H2AC25: variants seen among roughly 807,000 people sequenced by gnomAD.
The protein encoded by H2AC25 is histone H2A type 3.
At chr1:228,457,779 G>A in the H2AC25 span, 2 of 1,609,038 alleles carry the variant, frequency 1.2e-6, no homozygotes, top group South Asian at 1.1e-5. Context: ...ACTTAGCCTT[G>A]GCGCGCGCCT....
the H2AC25 span, chr1:228,457,842 C>G: frequency 2.7e-5 from 43 of 1,579,614 alleles, no homozygotes; most frequent in Admixed American, 2.2e-4. Context: ...AAAAAGACAA[C>G]GGCAACCGAA....
the H2AC25 span, chr1:228,457,731 G>C: frequency 6.2e-7 from 1 of 1,612,620 alleles, no homozygotes; most frequent in Non-Finnish European, 8.5e-7. Context: ...GGTGCACGCG[G>C]CCCACGGGGA....
At chr1:228,457,750 C>A in the H2AC25 span, 1 of 1,611,558 alleles carries the variant, frequency 6.2e-7, no homozygotes, top group South Asian at 1.1e-5. Context: ...GAACTGCAGC[C>A]CCGCGCGCGA....
At chr1:228,457,409 GGGGCGGC>G in the H2AC25 span, 1 of 1,613,636 alleles carries the variant, frequency 6.2e-7, no homozygotes, top group Non-Finnish European at 8.5e-7. Context: ...AGGGGCCCCG[GGGGCGGC>G]GGGCGGCCTC....
chr1:228,457,572 G>A, the H2AC25 span: 3 of 1,613,976 alleles, frequency 1.9e-6, no homozygotes, highest in Admixed American at 1.7e-5. Context: ...GCTGCAGGTG[G>A]CGCGGGATGA....
At chr1:228,457,712 G>C in the H2AC25 span, 11 of 1,612,966 alleles carry the variant, frequency 6.8e-6, no homozygotes, top group South Asian at 1.1e-4. Context: ...TTGCCCTTGC[G>C]GAGCAACCGG....
chr1:228,457,426 C>A, the H2AC25 span: 2 of 1,614,008 alleles, frequency 1.2e-6, no homozygotes, highest in South Asian at 2.2e-5. Context: ...CGGGCGGCCT[C>A]ACTTGCCCTT....
chr1:228,457,843 G>C, the H2AC25 span: 18 of 1,579,758 alleles, frequency 1.1e-5, no homozygotes, highest in South Asian at 9.3e-5. Flanking sequence ...AAAAGACAAC[G>C]GCAACCGAAA....
chr1:228,457,442 T>TGTG, the H2AC25 span: 1 of 1,614,088 alleles, frequency 6.2e-7, no homozygotes. Context: ...CCCTTGGCCT[T>TGTG]GTGGTGGCTC....
chr1:228,457,781 C>T, the H2AC25 span: 1 of 1,608,590 alleles, frequency 6.2e-7, no homozygotes, highest in Admixed American at 1.7e-5. Context: ...TTAGCCTTGG[C>T]GCGCGCCTTG....
At chr1:228,457,776 C>T in the H2AC25 span, 1 of 1,609,180 alleles carries the variant, frequency 6.2e-7, no homozygotes, top group Non-Finnish European at 8.5e-7. Flanking sequence ...GCGACTTAGC[C>T]TTGGCGCGCG....
At chr1:228,457,585 C>T in the H2AC25 span, 2 of 1,614,070 alleles carry the variant, frequency 1.2e-6, no homozygotes, top group East Asian at 2.2e-5. Flanking sequence ...CGGGATGATG[C>T]GCGTCTTCTT....
At chr1:228,457,714 A>AGCAACCGGTGCAC in the H2AC25 span, 1 of 1,612,724 alleles carries the variant, frequency 6.2e-7, no homozygotes, top group Non-Finnish European at 8.5e-7. Flanking sequence ...GCCCTTGCGG[A>AGCAACCGGTGCAC]GCAACCGGTG....
At chr1:228,457,865 A>C in the H2AC25 span, 6 of 1,565,750 alleles carry the variant, frequency 3.8e-6, no homozygotes, top group Middle Eastern at 1.7e-4. Flanking sequence ...GCGAGACTAA[A>C]AACAAGAGGG....
At chr1:228,457,472 G>GT in the H2AC25 span, 2 of 1,614,136 alleles carry the variant, frequency 1.2e-6, no homozygotes, top group South Asian at 2.2e-5. Context: ...TTGGGCAGCA[G>GT]TACGGCCTGG....
At chr1:228,457,782 G>T in the H2AC25 span, 1 of 1,608,742 alleles carries the variant, frequency 6.2e-7, no homozygotes, top group Non-Finnish European at 8.5e-7. Context: ...TAGCCTTGGC[G>T]CGCGCCTTGC....
At chr1:228,457,866 A>C in the H2AC25 span, 3 of 1,565,058 alleles carry the variant, frequency 1.9e-6, no homozygotes, top group Non-Finnish European at 2.6e-6. Context: ...CGAGACTAAA[A>C]ACAAGAGGGC....
At chr1:228,457,843 G>A in the H2AC25 span, 128 of 1,579,876 alleles carry the variant, frequency 8.1e-5, no homozygotes, top group Admixed American at 1.7e-4. Flanking sequence ...AAAAGACAAC[G>A]GCAACCGAAA....
chr1:228,457,410 G>A, the H2AC25 span: 30 of 1,613,528 alleles, frequency 1.9e-5, no homozygotes, highest in Middle Eastern at 1.6e-4. Flanking sequence ...GGGGCCCCGG[G>A]GGCGGCGGGC....
Sources: allele counts gnomAD v4.1 joint callset, GRCh38; gene constraint gnomAD v4.1.1; transcripts MANE v1.5; gene names NCBI Gene and HGNC (gene_info 2026-07-23, HGNC 2026-07-21).